MVP: variants seen among roughly 807,000 people sequenced by gnomAD.
MVP encodes the protein major vault protein, also known as lung resistance-related protein.
A neutral mutation model predicts 83.5 loss-of-function variants in MVP; 62 were observed. The ratio of observed to expected loss-of-function variants is 0.74; its 90% CI spans 0.61 to 0.92. The LOEUF (loss-of-function observed/expected upper bound fraction) is 0.92. MVP is among the 40% of genes least tolerant of loss of function. The pLI, the probability that MVP is intolerant of heterozygous loss-of-function variation, is 0.00. For missense variants in MVP, 1,000 were observed against 1,203.4 expected (o/e 0.83, Z 2.50); for synonymous variants, 505 against 504.1 (o/e 1.00, Z -0.02).
intron 10 of MVP, among the ~76,000 whole-genome samples, chr16:29,844,026 A>G (rs1256286299): frequency 6.6e-6 from 1 of 152,166 alleles, no homozygotes. Context: ...GCACTACAAC[A>G]TCATAGTTAA....
Position 29,847,925 on chromosome 16 carries a change from C to A in MVP, c.2618C>A (p.Ser873Tyr). The A allele has an allele frequency of 6.2e-7, 1 of 1,613,378 alleles. No homozygotes were observed. Among genetic ancestry groups the A allele is most frequent in the Non-Finnish European group, 8.5e-7 (1 of 1,179,712 alleles). ...ASGPSPGEGI[S>Y]PQSAQAPQAP... The stretch of plus-strand genomic sequence containing the variant: ...GGGCCCAGCCCTGGGGAGGGGATAT[C>A]CCCCCAGTCTGCTCAGGCCCCTCAA... Residue 873 changes from serine (S) to tyrosine (Y), a missense_variant, in exon 15 of 15, where the codon TCC (serine) becomes TAC (tyrosine). Transcript: ENST00000357402.
At chr16:29,843,603 A>T (rs954835283) in intron 10 of MVP, among the ~76,000 whole-genome samples, 1 of 40,784 alleles carries the variant, frequency 2.5e-5, no homozygotes, top group Non-Finnish European at 4.9e-5. Flanking sequence ...GGAGGGAGGG[A>T]GGGTCAGGCG....
Position 29,840,158 on chromosome 16 carries a change from A to G in MVP, c.910-20A>G. Reference sequence around the variant, plus strand: ...CGCAACCCTAAAGGCACTGACCCTAACCTCACGTCTCCCCACTAGGGAGAG... The same window carrying G: ...CGCAACCCTAAAGGCACTGACCCTAGCCTCACGTCTCCCCACTAGGGAGAG... On this transcript the variant is annotated intron_variant, in intron 7 of 14. Coordinates refer to ENST00000357402, the MANE Select transcript of MVP (RefSeq NM_005115.5). 3 of 1,586,792 alleles carry G rather than the reference A, an allele frequency of 1.9e-6. No homozygotes were observed. Among genetic ancestry groups the G allele is most frequent in the Non-Finnish European group, 2.6e-6 (3 of 1,165,698 alleles).
At chr16:29,837,226 C>T (rs1039639352) in intron 7 of MVP, among the ~76,000 whole-genome samples, 3 of 152,168 alleles carry the variant, frequency 2.0e-5, no homozygotes, top group African/African-American at 4.8e-5. Context: ...TACAGTCATG[C>T]GCCACTTAAT....
At chr16:29,840,514 G>T in intron 8 of MVP, 55 bp downstream of exon 8, 1 of 1,516,286 alleles carries the variant, frequency 6.6e-7, no homozygotes, top group East Asian at 2.5e-5. Flanking sequence ...CTTGGTGGCG[G>T]CTTCCTCTGG....
At chr16:29,822,321 TAAA>T (rs58807414) in intron 1 of MVP, among the ~76,000 whole-genome samples, 70 of 143,536 alleles carry the variant, frequency 4.9e-4, no homozygotes, top group Admixed American at 2.1e-4. Flanking sequence ...TGTGCTGCTT[TAAA>T]AAAAAAAAAA....
intron 7 of MVP, among the ~76,000 whole-genome samples, chr16:29,838,553 C>T (rs895979987): frequency 2.6e-5 from 4 of 152,076 alleles, no homozygotes; most frequent in Admixed American, 1.3e-4. Flanking sequence ...GCAGGCCAGG[C>T]GCAACAGCTC....
intron 7 of MVP, among the ~76,000 whole-genome samples, chr16:29,837,243 G>T (rs1394285307): frequency 6.6e-6 from 1 of 152,198 alleles, no homozygotes; most frequent in Non-Finnish European, 1.5e-5. Flanking sequence ...TAATGATGGG[G>T]ATACATTCTG....
In MVP at chr16:29,847,771, C is replaced by T. The variant is rs755146643; in HGVS notation, c.2464C>T (p.Leu822Phe). ...TGTTCTCACCCTCCAGGTAAAACTG[C>T]TCCAGTCCCTGGGCCTGAAATCAAC... is the stretch of plus-strand genomic sequence containing the variant. Reference protein sequence around the residue: ...VAGPEMQVKLLQSLGLKSTLI... With the variant: ...VAGPEMQVKLFQSLGLKSTLI... Residue 822 changes from leucine to phenylalanine, a missense_variant, in exon 15 of 15, where the codon CTC becomes TTC. Physicochemically the swap from Leu to Phe is conservative, Grantham distance 22 (BLOSUM62 0). Coordinates refer to ENST00000357402, the MANE Select transcript of MVP (RefSeq NM_005115.5). The T allele has an allele frequency of 6.2e-7, 1 of 1,614,148 alleles. No individual in the cohort carries two copies. The highest frequency in any genetic ancestry group is 1.7e-5 in the Admixed American group (1 of 60,026).
Position 29,840,453 on chromosome 16 carries a change from C to A in MVP, c.1185C>A (p.Thr395=). ...NEGIYVQDVK[T]GKVRAVIGST... ...GCATCTATGTGCAGGATGTCAAGAC[C>A]GGAAAGGTAATGGCTGGGAGTGAGC... The change falls in exon 8 of 15, where the codon ACC becomes ACA. Residue 395 remains threonine, a synonymous_variant. Transcript: ENST00000357402. 6.4e-7 allele frequency: 1 copy of A among 1,568,196 alleles called. No homozygotes were observed. The highest frequency in any genetic ancestry group is 2.3e-5 in the East Asian group (1 of 43,194).
chr16:29,836,523 G>A (rs189646127), intron 6 of MVP, among the ~76,000 whole-genome samples, 199 bp from the exon 7 acceptor site: 1 of 151,826 alleles, frequency 6.6e-6, no homozygotes, highest in African/African-American at 2.4e-5. Context: ...GTTGCAGTGA[G>A]CTGAGATCGC....
chr16:29,831,002 C>A lies in MVP; in HGVS notation c.250C>A (p.Arg84Ser). 6.2e-7 allele frequency: 1 copy of A among 1,613,984 alleles called. No individual in the cohort carries two copies. Among genetic ancestry groups the A allele is most frequent in the African/African-American group, 1.3e-5 (1 of 75,002 alleles). Reference sequence around the variant, plus strand: ...TGATGTCACAGGGCAAGTTCGGCTTCGCCACGCTGACCTCGAGATCCGGCT... The same window carrying A: ...TGATGTCACAGGGCAAGTTCGGCTTAGCCACGCTGACCTCGAGATCCGGCT... Reference protein sequence around the residue: ...LFDVTGQVRLRHADLEIRLAQ... With the variant: ...LFDVTGQVRLSHADLEIRLAQ... The change falls in exon 3 of 15, where the codon CGC (arginine) becomes AGC (serine). Residue 84 changes from arginine to serine, a missense_variant. By Grantham distance (110) the Arg-to-Ser change is moderately radical. Coordinates refer to ENST00000357402, the MANE Select transcript of MVP (RefSeq NM_005115.5).
At chr16:29,821,202 T>G (rs1225599818) in intron 1 of MVP, 1 of 152,264 alleles carries the variant, frequency 6.6e-6, no homozygotes, top group Admixed American at 6.5e-5. Context: ...GTGGAGGTGA[T>G]AGCGAGGCTG....
chr16:29,839,783 CA>C (rs71373206), intron 7 of MVP, among the ~76,000 whole-genome samples: 128 of 47,360 alleles, frequency 2.7e-3, no homozygotes, highest in East Asian at 5.4e-3. Context: ...AAGACTATCT[CA>C]AAAAAAAAAA....
At chr16:29,832,505 G>A (rs2150753473) in intron 3 of MVP, among the ~76,000 whole-genome samples, 1 of 150,736 alleles carries the variant, frequency 6.6e-6, no homozygotes, top group Non-Finnish European at 1.5e-5. Context: ...CACCGTGTTA[G>A]CCAGGGTGGT....
intron 14 of MVP, among the ~76,000 whole-genome samples, 159 bp from the exon 15 acceptor site, chr16:29,847,603 T>TG (rs2067596883): frequency 6.6e-6 from 1 of 151,954 alleles, no homozygotes; most frequent in African/African-American, 2.4e-5. Flanking sequence ...AGACAGGAAA[T>TG]GGATGGGACG....
rs531183919 is a variant in MVP at position 29,827,663 on chromosome 16, C to T, written c.-35-2852C>T. ...GTACGGTAGCGTACCCCTGTAATCTCAGCACTTTAGGAGGCTGAAGCGGGA... is the reference window on the plus strand; with the variant it reads ...GTACGGTAGCGTACCCCTGTAATCTTAGCACTTTAGGAGGCTGAAGCGGGA... On this transcript the variant is annotated intron_variant, in intron 1 of 14. Transcript: ENST00000357402. Among the ~76,000 whole-genome samples the T allele has an allele frequency of 1.8e-4, 27 of 152,310 alleles. No homozygotes were observed. The South Asian group carries it at 5.4e-3, about 30-fold the overall frequency.
intron 1 of MVP, among the ~76,000 whole-genome samples, chr16:29,822,261 G>A (rs1246437858): frequency 6.6e-6 from 1 of 151,638 alleles, no homozygotes; most frequent in Admixed American, 6.6e-5. Context: ...GGGAGGACAA[G>A]TGGAAGTCTA....
In MVP at chr16:29,847,930, C is replaced by G. The variant is rs763864769; in HGVS notation, c.2623C>G (p.Gln875Glu). ...GPSPGEGISP[Q>E]SAQAPQAPGD... Reference sequence around the variant, plus strand: ...CAGCCCTGGGGAGGGGATATCCCCCCAGTCTGCTCAGGCCCCTCAAGCTCC... The same window carrying G: ...CAGCCCTGGGGAGGGGATATCCCCCGAGTCTGCTCAGGCCCCTCAAGCTCC... Residue 875 changes from glutamine to glutamate, a missense_variant, in exon 15 of 15, where the codon CAG becomes GAG. Gln to Glu is a conservative substitution (Grantham distance 29). Coordinates refer to ENST00000357402, the MANE Select transcript of MVP (RefSeq NM_005115.5). 5.0e-6 allele frequency: 8 copies of G among 1,613,480 alleles called. No individual in the cohort carries two copies. Among genetic ancestry groups the G allele is most frequent in the Non-Finnish European group, 5.1e-6 (6 of 1,179,770 alleles).
Sources: allele counts gnomAD v4.1 joint callset (sites outside exome capture counted in the v4.1 genomes callset), GRCh38; gene constraint gnomAD v4.1.1; transcripts MANE v1.5; gene names NCBI Gene and HGNC (gene_info 2026-07-23, HGNC 2026-07-21).